RASGEF1A: variants seen among roughly 807,000 people sequenced by gnomAD.
The protein encoded by RASGEF1A is RasGEF domain family member 1A.
A neutral mutation model predicts 56.4 loss-of-function variants in RASGEF1A; 18 were observed. The observed-to-expected ratio is 0.32, with a 90% CI of 0.22 to 0.47. The LOEUF (loss-of-function observed/expected upper bound fraction) is 0.47. Ranked by LOEUF, RASGEF1A falls within the 20% of genes least tolerant of loss-of-function variation. The probability of loss-of-function intolerance (pLI) is 1.00; values close to 1 mark genes in which losing one functional copy is unlikely to be tolerated. For missense variants in RASGEF1A, 422 were observed against 627.1 expected, an observed-to-expected ratio of 0.67 and a Z score of 3.49; for synonymous variants, 245 against 242.6, an observed-to-expected ratio of 1.01 and a Z score of -0.09.
chr10:43,252,616 G>C (rs939121699), intron 1 of RASGEF1A, among the ~76,000 whole-genome samples: 1 of 152,158 alleles, frequency 6.6e-6, no homozygotes, highest in Non-Finnish European at 1.5e-5. Flanking sequence ...GGACGTGACT[G>C]TGAGGCAGAC....
chr10:43,241,696 T>G (rs568477875), intron 1 of RASGEF1A, among the ~76,000 whole-genome samples: 14 of 152,226 alleles, frequency 9.2e-5, no homozygotes, highest in South Asian at 6.2e-4. Context: ...TAGCAAATCC[T>G]ACCTTATCAG....
In RASGEF1A at chr10:43,217,049, G is replaced by A. The variant is rs1327684949; in HGVS notation, c.-6-10927C>T. On this transcript the variant is annotated intron_variant, in intron 1 of 12. Transcript: ENST00000395810. ...CCCTCCGGGATCCCACCTGCACTGA[G>A]AGGCATCGTGGAGGGGGAGAAATGA... 2.0e-5 allele frequency among the ~76,000 whole-genome samples: 3 copies of A among 152,182 alleles called. No individual in the cohort carries two copies. The East Asian group carries it at 5.8e-4, about 29-fold the overall frequency.
Position 43,218,159 on chromosome 10 carries a change from C to T in RASGEF1A, c.-6-12037G>A, listed in dbSNP as rs187259812. Among the ~76,000 whole-genome samples the T allele has an allele frequency of 5.4e-4, 83 of 152,322 alleles. No individual in the cohort carries two copies. In the Middle Eastern group the frequency reaches 0.01, roughly 19 times the overall value. On this transcript the variant is annotated intron_variant, in intron 1 of 12. Transcript: ENST00000395810. ...AATGCCTGGTGGGTTCTGATGGCATCGGCACTGCAGAGCACTAGCGGTCCT... is the reference window on the plus strand; with the variant it reads ...AATGCCTGGTGGGTTCTGATGGCATTGGCACTGCAGAGCACTAGCGGTCCT...
In RASGEF1A at chr10:43,236,462, G is replaced by A. The variant is rs894500892; in HGVS notation, c.-6-30340C>T. 2.4e-4 allele frequency among the ~76,000 whole-genome samples: 36 copies of A among 152,356 alleles called. 2 individuals carry two copies. Among genetic ancestry groups the A allele is most frequent in the African/African-American group, 8.2e-4 (34 of 41,568 alleles). On this transcript the variant is annotated intron_variant, in intron 1 of 12. Transcript: ENST00000395810. Reference sequence around the variant, plus strand: ...TGCATGCATGCATTACGAGTATGCAGGCCTATGCATGTGTGCATGTCTGCA... The same window carrying A: ...TGCATGCATGCATTACGAGTATGCAAGCCTATGCATGTGTGCATGTCTGCA...
At chr10:43,227,253 GTGAGACTCT>G (rs1840291935) in intron 1 of RASGEF1A, among the ~76,000 whole-genome samples, 1 of 152,186 alleles carries the variant, frequency 6.6e-6, no homozygotes, top group African/African-American at 2.4e-5. Context: ...CAATGCCAGT[GTGAGACTCT>G]CTCCCCCAGG....
chr10:43,237,715 C>CTGG (rs1840449375), intron 1 of RASGEF1A, among the ~76,000 whole-genome samples: 1 of 152,144 alleles, frequency 6.6e-6, no homozygotes, highest in South Asian at 2.1e-4. Flanking sequence ...TGCCAGGATG[C>CTGG]CTAGCTGGCT....
chr10:43,245,565 T>C (rs1776905171), intron 1 of RASGEF1A, among the ~76,000 whole-genome samples: 1 of 152,220 alleles, frequency 6.6e-6, no homozygotes, highest in Non-Finnish European at 1.5e-5. Context: ...GCAGCATATT[T>C]TGTAAGTATT....
At position 43,208,725 on chromosome 10, in the gene RASGEF1A, T is replaced by A. The variant is rs1268290904; in HGVS notation, c.-6-2603A>T. On this transcript the variant is annotated intron_variant, in intron 1 of 12. Coordinates refer to ENST00000395810, the MANE Select transcript of RASGEF1A (RefSeq NM_145313.4). ...ATCCAACAAACCAAGACCCTGCAGG[T>A]CTGGGGGATGCCCCATGAGCCCCTA... 4.1e-6 allele frequency: 4 copies of A among 985,498 alleles called. No homozygotes were observed. In the African/African-American group the frequency reaches 7.0e-5, roughly 17 times the overall value. The allele number at this position is 985,498 out of a possible 1,614,324, so 61.0% of individuals were successfully genotyped here. A position where few individuals can be genotyped will look rare whatever the true frequency, so the allele number is the denominator to read the frequency against.
chr10:43,263,370 T>A (rs1836569736), intron 1 of RASGEF1A, among the ~76,000 whole-genome samples: 1 of 151,956 alleles, frequency 6.6e-6, no homozygotes, highest in South Asian at 2.1e-4. Context: ...GGATTCAGAG[T>A]GAGCAGAGAA....
chr10:43,225,086 GTC>G (rs755225254), intron 1 of RASGEF1A, among the ~76,000 whole-genome samples: 12 of 151,528 alleles, frequency 7.9e-5, no homozygotes, highest in South Asian at 2.1e-4. Context: ...GTGTTAGTGT[GTC>G]TCTGTTTCTG....
chr10:43,245,676 T>C (rs1036279809), intron 1 of RASGEF1A, among the ~76,000 whole-genome samples: 1 of 152,122 alleles, frequency 6.6e-6, no homozygotes, highest in African/African-American at 2.4e-5. Flanking sequence ...ATCATCACAA[T>C]AGATGCAGAA....
At position 43,200,247 on chromosome 10, in the gene RASGEF1A, T is replaced by G; in HGVS notation, c.691A>C (p.Ser231Arg). Reference protein sequence around the residue: ...QLTHIELDRVSSIYPEDLMQI... With the variant: ...QLTHIELDRVRSIYPEDLMQI... Reference sequence around the variant, plus strand: ...ATCAAGTCCTCAGGGTAAATGCTGCTGACCCTGTCCTGGGGTGGAAGATAG... The same window carrying G: ...ATCAAGTCCTCAGGGTAAATGCTGCGGACCCTGTCCTGGGGTGGAAGATAG... The change falls in exon 6 of 13, where the codon AGC (serine) becomes CGC (arginine). Residue 231 changes from serine (S) to arginine (R), a missense_variant. Ser to Arg is a moderately radical substitution (Grantham distance 110). Around this residue, in one of 2 missense-constraint regions of RASGEF1A, gnomAD observed 273 missense variants for 339.9 expected, o/e 0.80. Coordinates refer to ENST00000395810, the MANE Select transcript of RASGEF1A (RefSeq NM_145313.4). 1 of 1,605,884 alleles carries G rather than the reference T, an allele frequency of 6.2e-7. No homozygotes were observed. The highest frequency in any genetic ancestry group is 1.3e-5 in the African/African-American group (1 of 74,956).
intron 1 of RASGEF1A, among the ~76,000 whole-genome samples, chr10:43,231,218 C>T (rs1192017650): frequency 6.6e-6 from 1 of 152,256 alleles, no homozygotes; most frequent in Non-Finnish European, 1.5e-5. Flanking sequence ...GGCAGGCAGA[C>T]AGGTGGCATC....
At chr10:43,206,745 G>A (rs1051849669) in intron 1 of RASGEF1A, 19 of 986,552 alleles carry the variant, frequency 1.9e-5, no homozygotes, top group Admixed American at 6.1e-5. Flanking sequence ...TCAGGCAGGC[G>A]GTAGCAGGAG....
chr10:43,248,036 A>G (rs1840585636), intron 1 of RASGEF1A, among the ~76,000 whole-genome samples: 1 of 136,588 alleles, frequency 7.3e-6, no homozygotes, highest in Admixed American at 8.0e-5. Context: ...CCCCATTTCT[A>G]TTTATAAAAA....
intron 1 of RASGEF1A, among the ~76,000 whole-genome samples, chr10:43,230,066 C>G (rs1344557069): frequency 6.6e-6 from 1 of 151,578 alleles, no homozygotes; most frequent in Non-Finnish European, 1.5e-5. Context: ...TGCTGGCGCG[C>G]GGGGCCGGCG....
chr10:43,206,684 G>C (rs905152980), intron 1 of RASGEF1A: 1 of 987,180 alleles, frequency 1.0e-6, no homozygotes, highest in Non-Finnish European at 1.2e-6. Flanking sequence ...TCTGACTTAC[G>C]GTGGCTGCCA....
intron 1 of RASGEF1A, among the ~76,000 whole-genome samples, chr10:43,242,905 C>T (rs1588948312): frequency 1.3e-5 from 2 of 152,182 alleles, no homozygotes; most frequent in African/African-American, 2.4e-5. Flanking sequence ...CAGCCGCCTG[C>T]CTTGGCCTCC....
At chr10:43,227,049 T>C (rs1156726669) in intron 1 of RASGEF1A, among the ~76,000 whole-genome samples, 1 of 152,192 alleles carries the variant, frequency 6.6e-6, no homozygotes. Flanking sequence ...AGGAGGTGAT[T>C]CTGAGATCAG....
Sources: gnomAD v4.1 joint callset for allele counts (sites outside exome capture counted in the v4.1 genomes callset) on GRCh38, gnomAD v4.1.1 for gene constraint, gnomAD v4.1.1 regional missense constraint, MANE v1.5 for transcripts, NCBI Gene and HGNC (gene_info 2026-07-23, HGNC 2026-07-21) for gene names.